Variants in EIF4B observed in about 807,000 individuals in gnomAD.
The protein encoded by EIF4B is eukaryotic translation initiation factor 4B.
A neutral mutation model predicts 79.3 loss-of-function variants in EIF4B; 8 were observed. That is an observed-to-expected ratio of 0.10 (90% CI 0.06 to 0.18). The LOEUF is 0.18. Ranked by LOEUF, EIF4B falls within the 10% of genes least tolerant of loss-of-function variation. EIF4B has a pLI of 1.00. For missense variants in EIF4B, 515 were observed against 792.4 expected, an observed-to-expected ratio of 0.65 and a Z score of 4.20; for synonymous variants, 238 against 274.7, an observed-to-expected ratio of 0.87 and a Z score of 1.32.
chr12:53,010,945 A>G (rs1024898345), intron 1 of EIF4B, among the ~76,000 whole-genome samples: 5 of 152,194 alleles, frequency 3.3e-5, no homozygotes, highest in African/African-American at 1.2e-4. Flanking sequence ...TGTAATTTGT[A>G]TACCATAAAA....
At chr12:53,013,915 C>G (rs183556215) in intron 1 of EIF4B, 4 of 152,262 alleles carry the variant, frequency 2.6e-5, no homozygotes, top group African/African-American at 9.6e-5. Context: ...AATCCCAGCA[C>G]TTTGGAAGGC....
Position 53,018,174 on chromosome 12 carries a change from A to G in EIF4B, c.152-624A>G, listed in dbSNP as rs565408006. On this transcript the variant is annotated intron_variant, in intron 2 of 14. Transcript: ENST00000262056. ...CCTGGCTAATTTTTGTATTTTTAGT[A>G]GAGACAGGGTTTCACCATAATGGTC... 2.6e-5 allele frequency among the ~76,000 whole-genome samples: 4 copies of G among 152,314 alleles called. No individual in the cohort carries two copies. The South Asian group carries it at 6.2e-4, about 24-fold the overall frequency.
rs373286948 is a variant in EIF4B, at chr12:53,027,798, T to C, written c.684T>C (p.Tyr228=). Residue 228 remains tyrosine, a synonymous_variant, in exon 7 of 15, where the codon TAT becomes TAC. Transcript: ENST00000262056. ...TTCCTCTAGAGTATCGAGATCGTTA[T>C]GATTCAGACCGGTATCGGGATGGGT... is the stretch of plus-strand genomic sequence containing the variant. The part of the protein sequence containing the change: ...DSFGDKYRDR[Y]DSDRYRDGYR... 1.1e-4 allele frequency: 176 copies of C among 1,613,574 alleles called. No homozygotes were observed. The highest frequency in any genetic ancestry group is 9.1e-4 in the Middle Eastern group (5 of 5,516).
rs1482691640 is a variant in EIF4B at position 53,023,437 on chromosome 12, T to TGGCCAGGATAGTCTTGATCTCTTGACC, written c.667+811_667+837dup. On this transcript the variant is annotated intron_variant, in intron 6 of 14. Coordinates refer to ENST00000262056, the MANE Select transcript of EIF4B (RefSeq NM_001417.7). Reference sequence around the variant, plus strand: ...TAGTAGAGATGGGGTTTCACCATGTTGGCCAGGATAGTCTTGATCTCTTGA... The same window carrying TGGCCAGGATAGTCTTGATCTCTTGACC: ...TAGTAGAGATGGGGTTTCACCATGTTGGCCAGGATAGTCTTGATCTCTTGACCGGCCAGGATAGTCTTGATCTCTTGA... 1.3e-4 allele frequency among the ~76,000 whole-genome samples: 20 copies of TGGCCAGGATAGTCTTGATCTCTTGACC among 152,132 alleles called. No individual in the cohort carries two copies. In the East Asian group the frequency reaches 3.7e-3, roughly 28 times the overall value.
In EIF4B at chr12:53,006,557, C is replaced by A. The variant is rs1422197463; in HGVS notation, c.13+61C>A. 3.7e-6 allele frequency: 6 copies of A among 1,611,742 alleles called. No homozygotes were observed. In the South Asian group the frequency reaches 5.5e-5, roughly 15 times the overall value. ...TCTGAAACCCCCCTCCGAGCGTGAT[C>A]CACTGATTTCCTGAAGTCGGGGAAT... On this transcript the variant is annotated intron_variant, in intron 1 of 14. Transcript: ENST00000262056.
chr12:53,034,541 G>C, intron 9 of EIF4B, 71 bp from the exon 10 acceptor site: 1 of 1,397,958 alleles, frequency 7.2e-7, no homozygotes, highest in African/African-American at 1.4e-5. Context: ...GGTTCTTGAG[G>C]GGTCAGCATG....
At chr12:53,028,312 C>A in intron 8 of EIF4B, 124 bp downstream of exon 8, 1 of 1,306,574 alleles carries the variant, frequency 7.7e-7, no homozygotes, top group Non-Finnish European at 1.0e-6. Context: ...CAGGAAGCAG[C>A]AAAGCATAGT....
intron 1 of EIF4B, among the ~76,000 whole-genome samples, 170 bp downstream of exon 1, chr12:53,006,666 G>T (rs546107791): frequency 4.0e-5 from 6 of 151,570 alleles, no homozygotes; most frequent in African/African-American, 9.7e-5. Flanking sequence ...TGGATGTTTG[G>T]GGGGGAGGGG....
rs1286747977 is a variant in EIF4B at position 53,016,532 on chromosome 12, G to A, written c.73G>A (p.Gly25Arg). 1.1e-5 allele frequency: 18 copies of A among 1,613,452 alleles called. No individual in the cohort carries two copies. Among genetic ancestry groups the A allele is most frequent in the Non-Finnish European group, 1.5e-5 (18 of 1,179,904 alleles). The stretch of plus-strand genomic sequence containing the variant: ...CCTAACAGACTTTCTGGCTGAGGAT[G>A]GGGGTACTGGTGGAGGAAGCACCTA... ...ISLTDFLAED[G>R]GTGGGSTYVS... The change falls in exon 2 of 15, where the codon GGG becomes AGG. Residue 25 changes from glycine (G) to arginine (R), a missense_variant. This residue lies in a region of EIF4B where 105 missense variants were observed against 177.2 expected (regional missense o/e 0.59). Coordinates refer to ENST00000262056, the MANE Select transcript of EIF4B (RefSeq NM_001417.7).
chr12:53,021,721 C>T, intron 4 of EIF4B, 85 bp from the exon 5 acceptor site: 1 of 1,481,222 alleles, frequency 6.8e-7, no homozygotes, highest in Non-Finnish European at 9.4e-7. Flanking sequence ...CCTAGTGCTT[C>T]TGCTATGCCC....
In EIF4B at chr12:53,031,377, AGT is replaced by A. The variant is rs550432903; in HGVS notation, c.980-2427_980-2426del. Among the ~76,000 whole-genome samples, 5 of 152,298 alleles carry A rather than the reference AGT, an allele frequency of 3.3e-5. No individual in the cohort carries two copies. In the South Asian group the frequency reaches 1.0e-3, roughly 32 times the overall value. On this transcript the variant is annotated intron_variant, in intron 8 of 14. Coordinates refer to ENST00000262056, the MANE Select transcript of EIF4B (RefSeq NM_001417.7). ...CTGTAGCCTCAGCCTTCTGAGCTCA[AGT>A]GATCCTCCTTCCTCATCCTCCCCAG... is the stretch of plus-strand genomic sequence containing the variant.
At position 53,037,480 on chromosome 12, in the gene EIF4B, C is replaced by T. The variant is rs536802857; in HGVS notation, c.1378C>T (p.Pro460Ser). 44 of 1,613,670 alleles carry T rather than the reference C, an allele frequency of 2.7e-5. No homozygotes were observed. In the East Asian group the frequency reaches 9.1e-4, roughly 34 times the overall value. ...CAATAAGGAGGAAGATTGCCACTCTCCAACTTCTAAACCTCCCAAACCTGA... is the reference window on the plus strand; with the variant it reads ...CAATAAGGAGGAAGATTGCCACTCTTCAACTTCTAAACCTCCCAAACCTGA... ...TLNKEEDCHS[P>S]TSKPPKPDQP... The change falls in exon 11 of 15, where the codon CCA becomes TCA. Residue 460 changes from proline to serine, a missense_variant. Coordinates refer to ENST00000262056, the MANE Select transcript of EIF4B (RefSeq NM_001417.7).
intron 9 of EIF4B, among the ~76,000 whole-genome samples, chr12:53,034,289 G>A (rs1183087811): frequency 6.6e-6 from 1 of 152,178 alleles, no homozygotes; most frequent in African/African-American, 2.4e-5. Context: ...AAAGGCTAGA[G>A]ACCTACTATA....
chr12:53,006,655 C>G (rs1228388145), intron 1 of EIF4B, among the ~76,000 whole-genome samples, 159 bp downstream of exon 1: 1 of 151,584 alleles, frequency 6.6e-6, no homozygotes. Context: ...GTTACTGCCT[C>G]TGGATGTTTG....
At chr12:53,023,069 A>G (rs1943273981) in intron 6 of EIF4B, among the ~76,000 whole-genome samples, 1 of 152,122 alleles carries the variant, frequency 6.6e-6, no homozygotes, top group African/African-American at 2.4e-5. Context: ...AGCTGAGGCA[A>G]GAGGACTCCT....
At chr12:53,034,083 TGGG>T (rs748598243) in intron 9 of EIF4B, 49 bp downstream of exon 9, 1 of 1,541,140 alleles carries the variant, frequency 6.5e-7, no homozygotes, top group South Asian at 1.2e-5. Context: ...TGGTTCGTAA[TGGG>T]GGCATTACAT....
intron 9 of EIF4B, 93 bp from the exon 10 acceptor site, chr12:53,034,519 G>T: frequency 8.8e-7 from 1 of 1,134,278 alleles, no homozygotes; most frequent in East Asian, 2.4e-5. Context: ...ACATATAGAT[G>T]AAGTAAGTGA....
At chr12:53,027,672 G>GAT in intron 6 of EIF4B, 110 bp from the exon 7 acceptor site, 1 of 1,439,908 alleles carries the variant, frequency 6.9e-7, no homozygotes. Flanking sequence ...GAAGAAATCA[G>GAT]ATAGAAAATT....
intron 3 of EIF4B, among the ~76,000 whole-genome samples, chr12:53,019,217 G>A (rs921336535): frequency 1.6e-4 from 25 of 152,044 alleles, no homozygotes; most frequent in Non-Finnish European, 3.1e-4. Flanking sequence ...TGGCTAACGT[G>A]GTGAGACCCT....
Sources: gnomAD v4.1 joint callset for allele counts (sites outside exome capture counted in the v4.1 genomes callset) on GRCh38, gnomAD v4.1.1 for gene constraint, gnomAD v4.1.1 regional missense constraint, MANE v1.5 for transcripts, NCBI Gene and HGNC (gene_info 2026-07-23, HGNC 2026-07-21) for gene names.